The following CEP83 variants were observed in gnomAD, a reference collection of about 807,000 sequenced individuals.
The protein encoded by CEP83 is centrosomal protein of 83 kDa.
In CEP83, 70 loss-of-function variants were observed where a neutral mutation model predicts 101.9. The observed-to-expected ratio is 0.69, with a 90% CI of 0.57 to 0.84. The LOEUF (loss-of-function observed/expected upper bound fraction) is 0.84. Ranked by LOEUF, CEP83 falls within the 40% of genes least tolerant of loss-of-function variation. The pLI is 0.00. For synonymous variants in CEP83, 264 were observed against 267.9 expected (o/e 0.99, Z 0.14); for missense variants, 715 against 787.2 (o/e 0.91, Z 1.10).
downstream of CEP83, chr12:94,304,374 T>G (rs1461448390): frequency 4.7e-6 from 1 of 212,418 alleles, no homozygotes; most frequent in East Asian, 1.0e-4. Context: ...TTGATTGTAA[T>G]TTGCTAAAAA....
chr12:94,348,205 C>T (rs560725208), intron 11 of CEP83, among the ~76,000 whole-genome samples: 1 of 151,544 alleles, frequency 6.6e-6, no homozygotes, highest in African/African-American at 2.4e-5. Flanking sequence ...GGGAAATAAG[C>T]ATTGAAACAG....
At chr12:94,387,303 C>T (rs2062206839) in intron 6 of CEP83, among the ~76,000 whole-genome samples, 1 of 152,136 alleles carries the variant, frequency 6.6e-6, no homozygotes, top group African/African-American at 2.4e-5. Flanking sequence ...AGCTCTACCT[C>T]CTGTCAGATC....
At chr12:94,307,542 C>CA (rs1426956182), downstream of CEP83, 4 of 151,874 alleles carry the variant, frequency 2.6e-5, no homozygotes, top group Admixed American at 2.6e-4. Context: ...CAGCAGCATT[C>CA]AAAAAAATTC....
chr12:94,347,068 T>TATATATATATATATAC (rs561705061), intron 11 of CEP83, among the ~76,000 whole-genome samples: 9 of 147,416 alleles, frequency 6.1e-5, no homozygotes, highest in African/African-American at 1.2e-4. Context: ...TATATATATA[T>TATATATATATATATAC]ACACATACAC....
rs139474204 is a variant in CEP83, at chr12:94,371,683, T to G, written c.934-1647A>C. Among the ~76,000 whole-genome samples the G allele has an allele frequency of 2.6e-3, 402 of 152,036 alleles. 2 individuals carry two copies. Among genetic ancestry groups the G allele is most frequent in the African/African-American group, 9.0e-3 (372 of 41,458 alleles). On this transcript the variant is annotated intron_variant, in intron 8 of 16. Coordinates refer to ENST00000397809, the MANE Select transcript of CEP83 (RefSeq NM_016122.3). Reference sequence around the variant, plus strand: ...TACTTAAGAGTCCAATAAAACCCCATAAATACTGGAGTTGGGAGTCAGACA... The same window carrying G: ...TACTTAAGAGTCCAATAAAACCCCAGAAATACTGGAGTTGGGAGTCAGACA...
chr12:94,305,337 CA>C, downstream of CEP83: 1 of 1,046,066 alleles, frequency 9.6e-7, no homozygotes, highest in Non-Finnish European at 1.5e-6. Flanking sequence ...GACTTGGGAG[CA>C]AAATGGCTGC....
chr12:94,424,390 G>C (rs1339564888), intron 2 of CEP83: 1 of 1,613,894 alleles, frequency 6.2e-7, no homozygotes, highest in Admixed American at 1.7e-5. Context: ...CATTAAAGTG[G>C]GTGATGATGG....
intron 1 of CEP83, among the ~76,000 whole-genome samples, chr12:94,450,889 A>G (rs1309493625): frequency 6.6e-6 from 1 of 152,244 alleles, no homozygotes; most frequent in Non-Finnish European, 1.5e-5. Flanking sequence ...GAAAGAGCAT[A>G]GAACCAATTT....
At chr12:94,374,314 A>G (rs1006106249) in intron 8 of CEP83, among the ~76,000 whole-genome samples, 17 of 152,156 alleles carry the variant, frequency 1.1e-4, no homozygotes, top group African/African-American at 4.1e-4. Flanking sequence ...AGCACATCCC[A>G]TGTCCTATTG....
chr12:94,330,137 T>C (rs567827632), intron 14 of CEP83, among the ~76,000 whole-genome samples: 173 of 152,310 alleles, frequency 1.1e-3, no homozygotes, highest in Non-Finnish European at 2.1e-3. Flanking sequence ...TAAACAGATA[T>C]TAAGATAATG....
At chr12:94,399,492 T>C (rs2063119926) in intron 6 of CEP83, among the ~76,000 whole-genome samples, 1 of 152,230 alleles carries the variant, frequency 6.6e-6, no homozygotes, top group Admixed American at 6.5e-5. Flanking sequence ...GGAGGATCAC[T>C]TGAGGCCAGT....
rs1374511403 is a variant in CEP83, at chr12:94,408,397, G to A, written c.324+3300C>T. On this transcript the variant is annotated intron_variant, in intron 4 of 16. Coordinates refer to ENST00000397809, the MANE Select transcript of CEP83 (RefSeq NM_016122.3). ...GCTTCCCAGCAGCCAAAACAAAATG[G>A]GAACCTGTATACTAGGTTATACAGT... Among the ~76,000 whole-genome samples, 7 of 152,062 alleles carry A rather than the reference G, an allele frequency of 4.6e-5. No individual in the cohort carries two copies. In the East Asian group the frequency reaches 1.3e-3, roughly 29 times the overall value.
chr12:94,285,191 C>T, the CEP83 span, among the ~76,000 whole-genome samples: 2 of 152,288 alleles, frequency 1.3e-5, no homozygotes, highest in East Asian at 3.9e-4. Flanking sequence ...CTTCCCAGCA[C>T]ACCGGGAGGG....
the CEP83 span, among the ~76,000 whole-genome samples, chr12:94,289,507 T>C: frequency 4.6e-5 from 7 of 152,320 alleles, no homozygotes; most frequent in East Asian, 1.3e-3. Context: ...TGACTTAATT[T>C]GGTTTTCATC....
chr12:94,411,879 G>A (rs1334261418), intron 3 of CEP83, 32 bp from the exon 4 acceptor site: 5 of 1,564,270 alleles, frequency 3.2e-6, no homozygotes, highest in Non-Finnish European at 4.4e-6. Flanking sequence ...TCAATTTTGA[G>A]TAAATCCTTT....
rs745525513 is a variant in CEP83 at position 94,378,843 on chromosome 12, C to A, written c.749G>T (p.Arg250Ile). 8 of 1,614,078 alleles carry A rather than the reference C, an allele frequency of 5.0e-6. No homozygotes were observed. The Admixed American group carries it at 1.2e-4, about 24-fold the overall frequency. Residue 250 changes from arginine (R) to isoleucine (I), a missense_variant, in exon 7 of 17, where the codon AGA (arginine) becomes ATA (isoleucine). Physicochemically the swap from Arg to Ile is moderately conservative, Grantham distance 97. Transcript: ENST00000397809. ...CTCAGCCAACTGCCGCACCTGTATTCTTTGGGCATTTTCCACCTGAGCCTC... is the reference window on the plus strand; with the variant it reads ...CTCAGCCAACTGCCGCACCTGTATTATTTGGGCATTTTCCACCTGAGCCTC... ...NSEAQVENAQ[R>I]IQVRQLAEMQ...
chr12:94,389,162 T>G lies in CEP83; in HGVS notation c.550-10120A>C, dbSNP rs567596130. On this transcript the variant is annotated intron_variant, in intron 6 of 16. Coordinates refer to ENST00000397809, the MANE Select transcript of CEP83 (RefSeq NM_016122.3). ...GAAAGAAAATGCCATGAAATAAATA[T>G]GTAATAATCTTTAAACTATATATAA... 1.1e-4 allele frequency among the ~76,000 whole-genome samples: 16 copies of G among 152,264 alleles called. No individual in the cohort carries two copies. The East Asian group carries it at 1.9e-3, about 18-fold the overall frequency.
chr12:94,317,789 T>G (rs1970952940), intron 14 of CEP83, among the ~76,000 whole-genome samples: 1 of 152,134 alleles, frequency 6.6e-6, no homozygotes, highest in Non-Finnish European at 1.5e-5. Context: ...TGTTTTTGTA[T>G]CAATATCATG....
At chr12:94,426,223 C>T (rs1427960807) in intron 2 of CEP83, among the ~76,000 whole-genome samples, 1 of 152,072 alleles carries the variant, frequency 6.6e-6, no homozygotes, top group East Asian at 1.9e-4. Flanking sequence ...ACCGCCATGG[C>T]TTTGTAAATG....
Sources: allele counts gnomAD v4.1 joint callset (sites outside exome capture counted in the v4.1 genomes callset), GRCh38; gene constraint gnomAD v4.1.1; transcripts MANE v1.5; gene names NCBI Gene and HGNC (gene_info 2026-07-23, HGNC 2026-07-21).